Variants in MED26 observed in about 807,000 individuals in gnomAD.
The protein encoded by MED26 is mediator of RNA polymerase II transcription subunit 26.
A neutral mutation model predicts 43.7 loss-of-function variants in MED26; 7 were observed. The observed-to-expected ratio is 0.16, with a 90% CI of 0.09 to 0.30. MED26 has a LOEUF of 0.30. Among genes scored for constraint, MED26 ranks in the 10% least tolerant of loss-of-function variants. MED26 has a pLI of 1.00. For missense variants in MED26, 784 were observed against 840.6 expected (o/e 0.93, Z 0.83); for synonymous variants, 375 against 371.1 (o/e 1.01, Z -0.12).
At chr19:16,609,539 A>C (rs1413659787) in intron 1 of MED26, among the ~76,000 whole-genome samples, 1 of 152,088 alleles carries the variant, frequency 6.6e-6, no homozygotes, top group Non-Finnish European at 1.5e-5. Flanking sequence ...TTACATGCAT[A>C]TTTACATATG....
At chr19:16,589,277 C>T (rs1415660990) in intron 1 of MED26, 8 of 152,242 alleles carry the variant, frequency 5.3e-5, no homozygotes, top group Admixed American at 5.2e-4. Context: ...ATGGTAACCA[C>T]CATTTAAGGA....
At chr19:16,594,669 T>C (rs903467811) in intron 1 of MED26, among the ~76,000 whole-genome samples, 1 of 152,088 alleles carries the variant, frequency 6.6e-6, no homozygotes, top group Non-Finnish European at 1.5e-5. Context: ...AAACCAGAAC[T>C]TTCTTCATTT....
In MED26 at chr19:16,576,468, C is replaced by A. The variant is rs373021118; in HGVS notation, c.1362G>T (p.Gln454His). 2.2e-5 allele frequency: 35 copies of A among 1,614,068 alleles called. No individual in the cohort carries two copies. Among genetic ancestry groups the A allele is most frequent in the Non-Finnish European group, 2.7e-5 (32 of 1,180,034 alleles). The change falls in exon 3 of 3, where the codon CAG (glutamine) becomes CAT (histidine). Residue 454 changes from glutamine to histidine, a missense_variant. Physicochemically the swap from Gln to His is conservative, Grantham distance 24. Transcript: ENST00000263390. The surrounding 1 kb of genome is among the most constrained non-coding windows in gnomAD (Gnocchi z 6.8). ...RADSPVHMEQ[Q>H]SRTELDKQEA... is the part of the protein sequence containing the mutation. Reference sequence around the variant, plus strand: ...CCTGCTTGTCCAGCTCTGTCCTGGACTGCTGCTCCATGTGCACAGGGCTGT... The same window carrying A: ...CCTGCTTGTCCAGCTCTGTCCTGGAATGCTGCTCCATGTGCACAGGGCTGT...
At chr19:16,581,441 C>T (rs73514981) in intron 1 of MED26, among the ~76,000 whole-genome samples, 196 of 152,338 alleles carry the variant, frequency 1.3e-3, no homozygotes, top group African/African-American at 4.6e-3. Context: ...CCTGGGCTTG[C>T]CACATGGCTT....
At chr19:16,618,563 C>A (rs2086236239) in intron 1 of MED26, among the ~76,000 whole-genome samples, 1 of 152,236 alleles carries the variant, frequency 6.6e-6, no homozygotes, top group South Asian at 2.1e-4. Context: ...TGTTGCTACT[C>A]TGGACCTTAC....
At chr19:16,594,256 C>T (rs960946731) in intron 1 of MED26, among the ~76,000 whole-genome samples, 15 of 152,226 alleles carry the variant, frequency 9.9e-5, no homozygotes, top group African/African-American at 3.6e-4. Context: ...AGGCCACTTG[C>T]CGCCGAGAGC....
intron 1 of MED26, among the ~76,000 whole-genome samples, chr19:16,612,780 G>C (rs911617126): frequency 2.0e-5 from 3 of 152,226 alleles, no homozygotes; most frequent in African/African-American, 4.8e-5. Context: ...CCAAGGAAGA[G>C]GCTCTGGACC....
At chr19:16,627,323 G>C (rs572075488) in intron 1 of MED26, among the ~76,000 whole-genome samples, 204 of 152,274 alleles carry the variant, frequency 1.3e-3, no homozygotes, top group African/African-American at 4.7e-3. Context: ...CGTACCCTAG[G>C]TACCCGGCCA....
At chr19:16,605,632 C>G (rs1447081635) in intron 1 of MED26, among the ~76,000 whole-genome samples, 1 of 152,182 alleles carries the variant, frequency 6.6e-6, no homozygotes, top group Non-Finnish European at 1.5e-5. Flanking sequence ...AGCAGTGTTT[C>G]TGCACTGTCC....
chr19:16,606,732 A>G (rs2363857), intron 1 of MED26, among the ~76,000 whole-genome samples: 5,547 of 152,162 alleles, frequency 0.036, 241 homozygotes, highest in Admixed American at 0.089. Context: ...CTGGGAGGGG[A>G]GTAGGCTGAG....
intron 1 of MED26, among the ~76,000 whole-genome samples, chr19:16,614,721 G>A (rs568036004): frequency 2.0e-5 from 3 of 152,248 alleles, no homozygotes; most frequent in Non-Finnish European, 2.9e-5. Flanking sequence ...GCGCCTGGGT[G>A]CAGACCATGC....
chr19:16,589,936 A>T (rs2086088242), intron 1 of MED26, among the ~76,000 whole-genome samples: 1 of 152,206 alleles, frequency 6.6e-6, no homozygotes. Flanking sequence ...AGCCCCACAG[A>T]ACAAGGTCTG....
chr19:16,625,167 C>T (rs1315767176), intron 1 of MED26, among the ~76,000 whole-genome samples: 1 of 152,208 alleles, frequency 6.6e-6, no homozygotes, highest in Non-Finnish European at 1.5e-5. Flanking sequence ...CTCTGAAAAA[C>T]TGTTAGTAGC....
chr19:16,594,446 G>A (rs2086111510), intron 1 of MED26, among the ~76,000 whole-genome samples: 1 of 152,220 alleles, frequency 6.6e-6, no homozygotes, highest in Non-Finnish European at 1.5e-5. Context: ...AAGGGGCAGC[G>A]AAACCAACCT....
rs2086078638 is a variant in MED26, at chr19:16,587,930, C to G, written c.73-9521G>C. 1 of 152,246 alleles carries G rather than the reference C, an allele frequency of 6.6e-6. No individual in the cohort carries two copies. Among genetic ancestry groups the G allele is most frequent in the African/African-American group, 2.4e-5 (1 of 41,454 alleles). The allele number at this position is 152,246 out of a possible 1,614,324, so 9.4% of individuals were successfully genotyped here. ...TGACTTCTGCAGCGAGGGAAACTTG[C>G]AGATGAAGCCAGGAGGCAGGCAGCG... On this transcript the variant is annotated intron_variant, in intron 1 of 2. Coordinates refer to ENST00000263390, the MANE Select transcript of MED26 (RefSeq NM_004831.5). The surrounding 1 kb of genome is among the most constrained non-coding windows in gnomAD (Gnocchi z 4.9).
intron 1 of MED26, among the ~76,000 whole-genome samples, chr19:16,604,841 G>A (rs562932258): frequency 6.6e-6 from 1 of 152,320 alleles, no homozygotes; most frequent in Non-Finnish European, 1.5e-5. Context: ...GGTGACACAA[G>A]CCCACACAAC....
chr19:16,605,028 G>C (rs1192309426), intron 1 of MED26, among the ~76,000 whole-genome samples: 2 of 152,202 alleles, frequency 1.3e-5, no homozygotes, highest in Admixed American at 6.5e-5. Flanking sequence ...GTGAACTGGG[G>C]ATTGGTGGTA....
chr19:16,611,196 G>A (rs150292788), intron 1 of MED26: 1,770 of 152,628 alleles, frequency 0.012, 36 homozygotes, highest in African/African-American at 0.039. Flanking sequence ...GGTGGAGTAG[G>A]TGACTAAGGT....
rs1351011190 is a variant in MED26, at chr19:16,586,366, T to C, written c.73-7957A>G. 6.6e-6 allele frequency among the ~76,000 whole-genome samples: 1 copy of C among 152,218 alleles called. No homozygotes were observed. The highest frequency in any genetic ancestry group is 1.5e-5 in the Non-Finnish European group (1 of 68,022). ...GGCCTGGCCTTCCACTAGCCTGACA[T>C]GGCTACCAAACACACAGGGCCCATC... On this transcript the variant is annotated intron_variant, in intron 1 of 2. Coordinates refer to ENST00000263390, the MANE Select transcript of MED26 (RefSeq NM_004831.5). This position sits in a 1 kb window ranked among gnomAD's most constrained non-coding sequence, Gnocchi z 5.1.
Sources: allele counts gnomAD v4.1 joint callset (sites outside exome capture counted in the v4.1 genomes callset), GRCh38; gene constraint gnomAD v4.1.1; non-coding constraint Gnocchi (gnomAD v3.1); transcripts MANE v1.5; gene names NCBI Gene and HGNC (gene_info 2026-07-23, HGNC 2026-07-21).